Variants in TMEM266 observed in about 807,000 individuals in gnomAD.
TMEM266 encodes transmembrane protein 266, also known as Hv1 related protein 1.
A neutral mutation model predicts 50.5 loss-of-function variants in TMEM266; 33 were observed. The observed-to-expected ratio is 0.65, with a 90% CI of 0.50 to 0.87. TMEM266 has a LOEUF of 0.87. Among genes scored for constraint, TMEM266 ranks in the 40% least tolerant of loss-of-function variants. The pLI is 0.00. For missense variants in TMEM266, 655 were observed against 695.1 expected (o/e 0.94, Z 0.65); for synonymous variants, 310 against 292.3 (o/e 1.06, Z -0.62).
intron 1 of TMEM266, among the ~76,000 whole-genome samples, chr15:76,065,925 G>A (rs1345069188): frequency 6.6e-6 from 1 of 151,896 alleles, no homozygotes; most frequent in Non-Finnish European, 1.5e-5. Flanking sequence ...TTCCTATTCT[G>A]CCCCTCCTTC....
intron 3 of TMEM266, among the ~76,000 whole-genome samples, chr15:76,150,174 T>G (rs1368936817): frequency 6.6e-6 from 1 of 152,144 alleles, no homozygotes; most frequent in Admixed American, 6.5e-5. Context: ...TGCTGTAGTT[T>G]TGTGCATTTG....
At chr15:76,159,985 A>G in intron 4 of TMEM266, 110 bp from the exon 5 acceptor site, 1 of 1,018,994 alleles carries the variant, frequency 9.8e-7, no homozygotes, top group South Asian at 1.4e-5. Context: ...CTAAACGTTC[A>G]TGCAGGCGGG....
chr15:76,064,626 A>G (rs2141979651), intron 1 of TMEM266, among the ~76,000 whole-genome samples: 1 of 152,358 alleles, frequency 6.6e-6, no homozygotes, highest in Non-Finnish European at 1.5e-5. Flanking sequence ...ATTACCCGCC[A>G]GGAGAGGATT....
intron 1 of TMEM266, among the ~76,000 whole-genome samples, chr15:76,110,077 G>T (rs2040887261): frequency 6.6e-6 from 1 of 151,990 alleles, no homozygotes; most frequent in Middle Eastern, 3.4e-3. Flanking sequence ...TCAGCTCACT[G>T]CAATCTCTGT....
rs548164725 is a variant in TMEM266, at chr15:76,153,613, C to G, written c.228-2991C>G. On this transcript the variant is annotated intron_variant, in intron 3 of 10. Coordinates refer to ENST00000388942, the MANE Select transcript of TMEM266 (RefSeq NM_152335.3). This position sits in a 1 kb window ranked among gnomAD's most constrained non-coding sequence, Gnocchi z 4.2. ...GCTAGAGCTGTGGGGGAGGAGTGAG[C>G]AGGCAGAGGGCAGGAGGGGAACCGG... 3.9e-5 allele frequency among the ~76,000 whole-genome samples: 6 copies of G among 152,166 alleles called. No individual in the cohort carries two copies. In the South Asian group the frequency reaches 1.2e-3, roughly 32 times the overall value.
intron 10 of TMEM266, among the ~76,000 whole-genome samples, chr15:76,202,886 G>A (rs2038770985): frequency 6.6e-6 from 1 of 152,048 alleles, no homozygotes; most frequent in African/African-American, 2.4e-5. Context: ...GTTGGGCCAT[G>A]TGAGTAATGC....
intron 1 of TMEM266, 135 bp from the exon 2 acceptor site, chr15:76,134,033 G>T: frequency 2.3e-6 from 1 of 435,140 alleles, no homozygotes; most frequent in East Asian, 3.6e-5. Flanking sequence ...TAGGGTAATT[G>T]TAAGAATCTA....
At chr15:76,073,381 C>T (rs940958092) in intron 1 of TMEM266, among the ~76,000 whole-genome samples, 2 of 151,642 alleles carry the variant, frequency 1.3e-5, no homozygotes, top group East Asian at 3.9e-4. Flanking sequence ...TACAGGTACC[C>T]GCCACCATGC....
At chr15:76,164,644 G>C (rs2038065701) in intron 5 of TMEM266, among the ~76,000 whole-genome samples, 1 of 152,220 alleles carries the variant, frequency 6.6e-6, no homozygotes. Context: ...TTTAACCCCA[G>C]GGAAAATTTG....
At chr15:76,172,096 G>T (rs1194119510) in intron 7 of TMEM266, among the ~76,000 whole-genome samples, 2 of 152,172 alleles carry the variant, frequency 1.3e-5, no homozygotes, top group Non-Finnish European at 2.9e-5. Context: ...TAGGGGGCTG[G>T]TCAGCCTCCA....
At chr15:76,111,184 G>A (rs990885984) in intron 1 of TMEM266, among the ~76,000 whole-genome samples, 3 of 151,802 alleles carry the variant, frequency 2.0e-5, no homozygotes, top group Non-Finnish European at 4.4e-5. Flanking sequence ...GGGTTCAAGC[G>A]ATTCTCCTGT....
intron 3 of TMEM266, among the ~76,000 whole-genome samples, chr15:76,143,081 G>A (rs1358126597): frequency 2.0e-5 from 3 of 152,046 alleles, no homozygotes; most frequent in African/African-American, 7.2e-5. Context: ...GGGCTGCACC[G>A]CACCCCGGTC....
chr15:76,188,295 G>A (rs751446553), intron 8 of TMEM266, among the ~76,000 whole-genome samples: 15 of 152,174 alleles, frequency 9.9e-5, no homozygotes, highest in Non-Finnish European at 1.6e-4. Flanking sequence ...AAGCAAACAC[G>A]TCCTTCTTCA....
At chr15:76,167,979 A>C (rs1217892596) in intron 5 of TMEM266, among the ~76,000 whole-genome samples, 1 of 152,228 alleles carries the variant, frequency 6.6e-6, no homozygotes. Flanking sequence ...TGGCATTCAC[A>C]GACATATAGT....
chr15:76,156,892 G>T, intron 4 of TMEM266, 134 bp downstream of exon 4: 1 of 885,220 alleles, frequency 1.1e-6, no homozygotes, highest in South Asian at 1.7e-5. Context: ...CTCAGGCCCT[G>T]GGGCTCATGG....
At chr15:76,130,570 A>G (rs1332400420) in intron 1 of TMEM266, among the ~76,000 whole-genome samples, 1 of 152,248 alleles carries the variant, frequency 6.6e-6, no homozygotes, top group Non-Finnish European at 1.5e-5. Context: ...GGATGATGAT[A>G]GTTTTGTGAT....
chr15:76,187,049 T>C (rs767885156), intron 8 of TMEM266, among the ~76,000 whole-genome samples: 5 of 152,230 alleles, frequency 3.3e-5, no homozygotes, highest in Admixed American at 6.5e-5. Context: ...GTTGGGGCTA[T>C]CCAGGTTTTA....
At chr15:76,091,032 A>G (rs2036840748) in intron 1 of TMEM266, among the ~76,000 whole-genome samples, 4 of 152,236 alleles carry the variant, frequency 2.6e-5, no homozygotes, top group Admixed American at 2.6e-4. Context: ...TATCCTATAC[A>G]TATGTACAAT....
At chr15:76,167,946 G>C (rs1171858657) in intron 5 of TMEM266, among the ~76,000 whole-genome samples, 1 of 152,182 alleles carries the variant, frequency 6.6e-6, no homozygotes, top group Non-Finnish European at 1.5e-5. Context: ...GGAATCACAT[G>C]TTAGAAGGGC....
Sources: allele counts gnomAD v4.1 joint callset (sites outside exome capture counted in the v4.1 genomes callset), GRCh38; gene constraint gnomAD v4.1.1; non-coding constraint Gnocchi (gnomAD v3.1); transcripts MANE v1.5; gene names NCBI Gene and HGNC (gene_info 2026-07-23, HGNC 2026-07-21).